The following COX16 variants were observed in gnomAD, a reference collection of about 807,000 sequenced individuals.
COX16 encodes cytochrome c oxidase assembly protein COX16 homolog, mitochondrial.
In COX16, 12 loss-of-function variants were observed where a neutral mutation model predicts 15.4. The observed-to-expected ratio is 0.78, with a 90% CI of 0.50 to 1.26. The LOEUF is 1.26. Ranked by LOEUF, COX16 falls within the 50% of genes most tolerant of loss-of-function variation. The pLI, the probability that COX16 is intolerant of heterozygous loss-of-function variation, is 0.00. For synonymous variants in COX16, 46 were observed against 41.1 expected (o/e 1.12, Z -0.46); for missense variants, 124 against 127.6 (o/e 0.97, Z 0.14).
intron 1 of COX16, among the ~76,000 whole-genome samples, chr14:70,355,602 G>T (rs926391236): frequency 6.6e-6 from 1 of 152,136 alleles, no homozygotes; most frequent in Non-Finnish European, 1.5e-5. Context: ...ATTATAGTAG[G>T]CTACTGCCTA....
intron 1 of COX16, among the ~76,000 whole-genome samples, chr14:70,349,939 TACA>T (rs1318949558): frequency 1.3e-5 from 2 of 152,160 alleles, no homozygotes; most frequent in African/African-American, 4.8e-5. Flanking sequence ...ATGCTCCTGA[TACA>T]ACGACATGGT....
In COX16 at chr14:70,327,440, C is replaced by T. The variant is rs917571701; in HGVS notation, c.205-991G>A. 2.0e-5 allele frequency among the ~76,000 whole-genome samples: 3 copies of T among 151,976 alleles called. No homozygotes were observed. In the South Asian group the frequency reaches 6.2e-4, roughly 31 times the overall value. ...AGACAAACTCTTCATAGCATCATTA[C>T]TGGTATAGCACTTGTAGAACTACAA... is the stretch of plus-strand genomic sequence containing the variant. On this transcript the variant is annotated intron_variant, in intron 3 of 3. Coordinates refer to ENST00000389912, the MANE Select transcript of COX16 (RefSeq NM_016468.7).
chr14:70,334,140 C>T lies in COX16; in HGVS notation c.142-4904G>A, dbSNP rs555896820. Among the ~76,000 whole-genome samples the T allele has an allele frequency of 1.6e-4, 24 of 152,306 alleles. No homozygotes were observed. In the South Asian group the frequency reaches 5.0e-3, roughly 32 times the overall value. ...CTGCATGATATACTAATACTGCAAT[C>T]ATGATGTTTAAATCACTTTTATCTT... On this transcript the variant is annotated intron_variant, in intron 2 of 3. Coordinates refer to ENST00000389912, the MANE Select transcript of COX16 (RefSeq NM_016468.7).
rs73284522 is a variant in COX16 at position 70,341,580 on chromosome 14, T to A, written c.141+1078A>T. On this transcript the variant is annotated intron_variant, in intron 2 of 3. Coordinates refer to ENST00000389912, the MANE Select transcript of COX16 (RefSeq NM_016468.7). ...TGAGAATCCTAGCTCTACCCCTAAGTAGCCATGTGACCTTAGCCAACTTAG... is the reference window on the plus strand; with the variant it reads ...TGAGAATCCTAGCTCTACCCCTAAGAAGCCATGTGACCTTAGCCAACTTAG... Among the ~76,000 whole-genome samples, 786 of 152,332 alleles carry A rather than the reference T, an allele frequency of 5.2e-3. 6 individuals carry two copies. The highest frequency in any genetic ancestry group is 0.018 in the African/African-American group (748 of 41,568).
chr14:70,326,796 G>A (rs1428076877), intron 3 of COX16, among the ~76,000 whole-genome samples: 1 of 151,992 alleles, frequency 6.6e-6, no homozygotes, highest in Non-Finnish European at 1.5e-5. Flanking sequence ...GACTGAAAGG[G>A]TTATCAGGGA....
At chr14:70,358,730 T>G (rs1375336854) in intron 1 of COX16, among the ~76,000 whole-genome samples, 2 of 152,186 alleles carry the variant, frequency 1.3e-5, no homozygotes, top group East Asian at 3.9e-4. Flanking sequence ...ATTATTTCAT[T>G]TACTAACACA....
intron 2 of COX16, among the ~76,000 whole-genome samples, chr14:70,332,411 C>T (rs182056674): frequency 4.8e-4 from 73 of 152,174 alleles, no homozygotes; most frequent in African/African-American, 1.6e-3. Flanking sequence ...ATCCTGTCTG[C>T]GCAGGATCCT....
intron 2 of COX16, 152 bp downstream of exon 2, chr14:70,342,506 C>T: frequency 1.5e-6 from 1 of 673,314 alleles, no homozygotes; most frequent in Middle Eastern, 4.1e-4. Flanking sequence ...CATGTGATCA[C>T]TAATGTTATT....
Position 70,346,155 on chromosome 14 carries a change from C to G in COX16, c.70-3426G>C, listed in dbSNP as rs116800119. On this transcript the variant is annotated intron_variant, in intron 1 of 3. Coordinates refer to ENST00000389912, the MANE Select transcript of COX16 (RefSeq NM_016468.7). ...AGAACGAACCATTATCTTAAACCTT[C>G]GGTTCATCTCCCAATCCACCCCCGA... Among the ~76,000 whole-genome samples, 43 of 152,282 alleles carry G rather than the reference C, an allele frequency of 2.8e-4. 1 individual carries two copies. Among genetic ancestry groups the G allele is most frequent in the South Asian group, 2.1e-3 (10 of 4,830 alleles).
At chr14:70,344,170 T>C (rs897418932) in intron 1 of COX16, among the ~76,000 whole-genome samples, 1 of 152,226 alleles carries the variant, frequency 6.6e-6, no homozygotes, top group Non-Finnish European at 1.5e-5. Context: ...GGTTTTACAA[T>C]AGCGATGTTA....
At position 70,336,172 on chromosome 14, in the gene COX16, C is replaced by A. The variant is rs554234638; in HGVS notation, c.141+6486G>T. On this transcript the variant is annotated intron_variant, in intron 2 of 3. Transcript: ENST00000389912. ...TCGGGAGGCTGAGGCAGGAGAATCG[C>A]TTGAACCCAGGAGGCGGAAGTTGCA... 1.2e-4 allele frequency among the ~76,000 whole-genome samples: 19 copies of A among 152,314 alleles called. No homozygotes were observed. The East Asian group carries it at 3.1e-3, about 25-fold the overall frequency.
In COX16 at chr14:70,358,363, AAAC is replaced by A. The variant is rs1355916806; in HGVS notation, c.69+1153_69+1155del. Among the ~76,000 whole-genome samples, 3 of 143,268 alleles carry A rather than the reference AAAC, an allele frequency of 2.1e-5. No homozygotes were observed. The Admixed American group carries it at 2.2e-4, about 11-fold the overall frequency. The allele number at this position is 143,268 out of a possible 152,430, so 94.0% of individuals were successfully genotyped here. A position where few individuals can be genotyped will look rare whatever the true frequency, so the allele number is the denominator to read the frequency against. ...AGTATACTAATATCGAATTTGCTAA[AAAC>A]AACAATTTTTTTTTTTTTTTTTTTT... On this transcript the variant is annotated intron_variant, in intron 1 of 3. Transcript: ENST00000389912.
chr14:70,355,690 G>A (rs1392681613), intron 1 of COX16, among the ~76,000 whole-genome samples: 3 of 152,142 alleles, frequency 2.0e-5, no homozygotes, highest in Admixed American at 2.0e-4. Flanking sequence ...AAATGTTCAA[G>A]ATATAATACA....
intron 2 of COX16, among the ~76,000 whole-genome samples, chr14:70,337,879 AAC>A (rs1366251359): frequency 6.6e-6 from 1 of 152,146 alleles, no homozygotes; most frequent in African/African-American, 2.4e-5. Context: ...ACTAGAAGAT[AAC>A]ACAATAGAAA....
chr14:70,328,409 C>A (rs1193877147), intron 3 of COX16, among the ~76,000 whole-genome samples: 1 of 151,996 alleles, frequency 6.6e-6, no homozygotes, highest in African/African-American at 2.4e-5. Flanking sequence ...TACAAAATGA[C>A]CAGACATATA....
intron 2 of COX16, 98 bp from the exon 3 acceptor site, chr14:70,329,334 C>A (rs1400322615): frequency 3.6e-5 from 35 of 978,306 alleles, no homozygotes; most frequent in Non-Finnish European, 4.2e-5. Context: ...AATACTATAG[C>A]CAAATACAAA....
rs762699465 is a variant in COX16 at position 70,329,160 on chromosome 14, T to TTAA, written c.204+11_204+13dup. ...TGATTGTTATAAGACAGAGACTATA[T>TTAA]TAACATACCGTACCTCATATTCCGA... On this transcript the variant is annotated intron_variant, in intron 3 of 3. Coordinates refer to ENST00000389912, the MANE Select transcript of COX16 (RefSeq NM_016468.7). The TTAA allele has an allele frequency of 1.7e-5, 27 of 1,602,118 alleles. No homozygotes were observed. Among genetic ancestry groups the TTAA allele is most frequent in the Non-Finnish European group, 1.8e-5 (21 of 1,174,670 alleles).
chr14:70,326,127 G>A lies in COX16; in HGVS notation c.*206C>T, dbSNP rs901048120. On this transcript the variant is annotated 3_prime_UTR_variant, in exon 4 of 4. Coordinates refer to ENST00000389912, the MANE Select transcript of COX16 (RefSeq NM_016468.7). The stretch of plus-strand genomic sequence containing the variant: ...GTGTAAAATATACGTGGCCAACATT[G>A]TTACTTTCATCCACAGATGGAATAG... 6.2e-6 allele frequency: 2 copies of A among 322,278 alleles called. No homozygotes were observed. The highest frequency in any genetic ancestry group is 1.1e-5 in the Non-Finnish European group (2 of 183,666). 20.0% of individuals were successfully genotyped at this position (322,278 alleles called of 1,614,324 possible).
rs1195333290 is a variant in COX16 at position 70,328,820 on chromosome 14, C to T, written c.204+354G>A. On this transcript the variant is annotated intron_variant, in intron 3 of 3. Transcript: ENST00000389912. ...CTTTATATACTTTTTTCATTCTTAA[C>T]TTTTGAATTTGTATGTATGAACCCA... Among the ~76,000 whole-genome samples, 14 of 151,868 alleles carry T rather than the reference C, an allele frequency of 9.2e-5. No homozygotes were observed. The South Asian group carries it at 1.2e-3, about 13-fold the overall frequency.
Sources: allele counts gnomAD v4.1 joint callset (sites outside exome capture counted in the v4.1 genomes callset), GRCh38; gene constraint gnomAD v4.1.1; transcripts MANE v1.5; gene names NCBI Gene and HGNC (gene_info 2026-07-23, HGNC 2026-07-21).